The following ADIPOR2 variants were observed in gnomAD, a reference collection of about 807,000 sequenced individuals.
ADIPOR2 encodes the protein adiponectin receptor 2, also known as adiponectin receptor protein 2.
In ADIPOR2, 18 loss-of-function variants were observed where a neutral mutation model predicts 40.9. The ratio of observed to expected loss-of-function variants is 0.44; its 90% CI spans 0.30 to 0.65. The LOEUF (loss-of-function observed/expected upper bound fraction) is 0.65, where lower values mean the gene tolerates loss of function less well. Among genes scored for constraint, ADIPOR2 ranks in the 30% least tolerant of loss-of-function variants. ADIPOR2 has a pLI of 0.09. For synonymous variants in ADIPOR2, 165 were observed against 166.4 expected, an observed-to-expected ratio of 0.99 and a Z score of 0.06; for missense variants, 283 against 479.2, an observed-to-expected ratio of 0.59 and a Z score of 3.82.
chr12:1,782,992 T>C (rs1223891399), intron 6 of ADIPOR2, among the ~76,000 whole-genome samples: 9 of 102,310 alleles, frequency 8.8e-5, no homozygotes, highest in South Asian at 3.5e-4. Context: ...TTTTTTTTTT[T>C]TTTTTTTTTT....
chr12:1,779,079 G>T (rs112629767), intron 4 of ADIPOR2, among the ~76,000 whole-genome samples: 1 of 152,204 alleles, frequency 6.6e-6, no homozygotes, highest in African/African-American at 2.4e-5. Flanking sequence ...TTCATACGTT[G>T]CCAGTAGGAA....
chr12:1,715,343 G>A (rs1305210285), intron 1 of ADIPOR2, among the ~76,000 whole-genome samples: 1 of 151,996 alleles, frequency 6.6e-6, no homozygotes, highest in Non-Finnish European at 1.5e-5. Flanking sequence ...GAATATTGGG[G>A]CCAGGCCATA....
intron 1 of ADIPOR2, among the ~76,000 whole-genome samples, chr12:1,702,169 A>G (rs1430224042): frequency 6.6e-6 from 1 of 152,096 alleles, no homozygotes; most frequent in Non-Finnish European, 1.5e-5. Flanking sequence ...GCGACTCCCT[A>G]ATGGATTGTG....
intron 1 of ADIPOR2, among the ~76,000 whole-genome samples, chr12:1,713,688 T>C (rs997896251): frequency 4.6e-5 from 7 of 152,048 alleles, no homozygotes; most frequent in African/African-American, 1.7e-4. Context: ...TATGGGACTT[T>C]CAGGCATAAC....
intron 1 of ADIPOR2, among the ~76,000 whole-genome samples, chr12:1,732,222 T>A (rs1254190135): frequency 2.0e-5 from 3 of 152,240 alleles, no homozygotes; most frequent in Non-Finnish European, 2.9e-5. Context: ...CTGTGTGTTG[T>A]ACATTCTGTG....
At position 1,772,965 on chromosome 12, in the gene ADIPOR2, A is replaced by G; in HGVS notation, c.291+4A>G. 6.2e-7 allele frequency: 1 copy of G among 1,613,064 alleles called. No homozygotes were observed. Among genetic ancestry groups the G allele is most frequent in the Non-Finnish European group, 8.5e-7 (1 of 1,179,534 alleles). On this transcript the variant is annotated splice_donor_region_variant and intron_variant, in intron 3 of 7. Transcript: ENST00000357103. ...AATGGAAGAATTTGTTTGTAAGGTA[A>G]GAGTGCAGTTTCTTGTCATTGTCAT... is the stretch of plus-strand genomic sequence containing the variant.
chr12:1,782,260 A>G (rs749746689), intron 6 of ADIPOR2, among the ~76,000 whole-genome samples: 1 of 152,102 alleles, frequency 6.6e-6, no homozygotes, highest in Non-Finnish European at 1.5e-5. Context: ...TGTCCATTTT[A>G]TTTGTGAGTA....
At chr12:1,749,411 C>A (rs972002536) in intron 1 of ADIPOR2, among the ~76,000 whole-genome samples, 18 of 152,186 alleles carry the variant, frequency 1.2e-4, no homozygotes, top group Admixed American at 9.2e-4. Context: ...CCTCTGAGGC[C>A]TAACACTTCC....
intron 1 of ADIPOR2, among the ~76,000 whole-genome samples, chr12:1,736,338 G>C (rs1270747713): frequency 6.6e-6 from 1 of 152,222 alleles, no homozygotes. Flanking sequence ...TGTATGTGTC[G>C]AGGAATTTAT....
At chr12:1,723,563 G>A (rs1336733027) in intron 1 of ADIPOR2, among the ~76,000 whole-genome samples, 2 of 151,770 alleles carry the variant, frequency 1.3e-5, no homozygotes, top group East Asian at 3.9e-4. Flanking sequence ...ATTGCTTGAA[G>A]CGAGAGGTGG....
chr12:1,783,148 A>G (rs1018431944), intron 6 of ADIPOR2, among the ~76,000 whole-genome samples: 2 of 151,142 alleles, frequency 1.3e-5, no homozygotes, highest in Admixed American at 6.6e-5. Flanking sequence ...TTAGATTCCT[A>G]TTAAAAATAG....
chr12:1,693,539 A>G (rs1592563727), intron 1 of ADIPOR2, among the ~76,000 whole-genome samples: 1 of 125,510 alleles, frequency 8.0e-6, no homozygotes, highest in Admixed American at 8.0e-5. Context: ...TTTTTTGTTC[A>G]TTTTGTTTTT....
intron 1 of ADIPOR2, among the ~76,000 whole-genome samples, chr12:1,721,974 G>T (rs2094698722): frequency 6.6e-6 from 1 of 152,224 alleles, no homozygotes; most frequent in Non-Finnish European, 1.5e-5. Context: ...GTAAGCCAGA[G>T]TAAGGAGTTT....
In ADIPOR2 at chr12:1,786,199, C is replaced by T. The variant is rs546485052; in HGVS notation, c.*127C>T. ...TTTGACAGCCTCGTGGGCTTTGTGA[C>T]GGCCCAGTGGCTCTGCGTGGTACAT... On this transcript the variant is annotated 3_prime_UTR_variant, in exon 8 of 8. Coordinates refer to ENST00000357103, the MANE Select transcript of ADIPOR2 (RefSeq NM_024551.3). The T allele has an allele frequency of 7.8e-5, 100 of 1,278,162 alleles. No homozygotes were observed. The Admixed American group carries it at 1.3e-3, about 16-fold the overall frequency. The allele number at this position is 1,278,162 out of a possible 1,614,324, so 79.2% of individuals were successfully genotyped here. A position where few individuals can be genotyped will look rare whatever the true frequency, so the allele number is the denominator to read the frequency against.
intron 3 of ADIPOR2, among the ~76,000 whole-genome samples, chr12:1,774,945 TGCCCGCC>T (rs1398917157): frequency 0.012 from 679 of 55,686 alleles, 317 homozygotes; most frequent in East Asian, 0.043. Context: ...CCTCGTGATC[TGCCCGCC>T]TCGGCCTCCC....
At chr12:1,721,458 CGCTTGCCTT>C (rs945761897) in intron 1 of ADIPOR2, among the ~76,000 whole-genome samples, 97 of 152,138 alleles carry the variant, frequency 6.4e-4, no homozygotes, top group African/African-American at 2.3e-3. Flanking sequence ...TCAACTGATC[CGCTTGCCTT>C]GGCCTGCCAC....
rs553727192 is a variant in ADIPOR2, at chr12:1,780,617, G to A, written c.630G>A (p.Gly210=). Residue 210 remains glycine (G), a synonymous_variant, in exon 5 of 8, where the codon GGG becomes GGA. Coordinates refer to ENST00000357103, the MANE Select transcript of ADIPOR2 (RefSeq NM_024551.3). ...LFHTVYCHSE[G]VSRLFSKLDY... Reference sequence around the variant, plus strand: ...ACACAGTCTACTGCCACTCAGAGGGGGTCTCTCGGCTCTTCTCTAAGTAAG... The same window carrying A: ...ACACAGTCTACTGCCACTCAGAGGGAGTCTCTCGGCTCTTCTCTAAGTAAG... 4 of 1,599,614 alleles carry A rather than the reference G, an allele frequency of 2.5e-6. No homozygotes were observed. Among genetic ancestry groups the A allele is most frequent in the South Asian group, 2.3e-5 (2 of 88,288 alleles).
At chr12:1,729,646 G>T (rs868796482) in intron 1 of ADIPOR2, among the ~76,000 whole-genome samples, 453 of 117,054 alleles carry the variant, frequency 3.9e-3, no homozygotes, top group East Asian at 7.2e-3. Context: ...TTTTTTGAGT[G>T]TTTTTTTTTG....
chr12:1,748,635 A>G (rs1290325662), intron 1 of ADIPOR2, among the ~76,000 whole-genome samples: 1 of 151,124 alleles, frequency 6.6e-6, no homozygotes, highest in Non-Finnish European at 1.5e-5. Context: ...TTTTTTTTTT[A>G]AGTTTTTTGT....
Sources: allele counts gnomAD v4.1 joint callset (sites outside exome capture counted in the v4.1 genomes callset), GRCh38; gene constraint gnomAD v4.1.1; transcripts MANE v1.5; gene names NCBI Gene and HGNC (gene_info 2026-07-23, HGNC 2026-07-21).